Variants in DBF4 observed in about 807,000 individuals in gnomAD.
The protein encoded by DBF4 is DBF4-CDC7 kinase regulatory subunit, also known as protein DBF4 homolog A.
DBF4 carries 25 observed loss-of-function variants against 76.6 expected under a neutral mutation model. The observed-to-expected ratio is 0.33, with a 90% CI of 0.24 to 0.46. DBF4 has a LOEUF of 0.46. Among genes scored for constraint, DBF4 ranks in the 20% least tolerant of loss-of-function variants. The probability of loss-of-function intolerance (pLI) is 1.00; values close to 1 mark genes in which losing one functional copy is unlikely to be tolerated. For synonymous variants in DBF4, 213 were observed against 258.0 expected (o/e 0.83, Z 1.67); for missense variants, 638 against 760.8 (o/e 0.84, Z 1.90).
In DBF4 at chr7:87,887,789, C is replaced by T. The variant is rs552203184; in HGVS notation, c.521-194C>T. On this transcript the variant is annotated intron_variant, in intron 5 of 11. Transcript: ENST00000265728. ...ATCCATGAATTCCCTCTTAAAGGTCCCATCTCTCAGTAAGTACTGTCACAC... is the reference window on the plus strand; with the variant it reads ...ATCCATGAATTCCCTCTTAAAGGTCTCATCTCTCAGTAAGTACTGTCACAC... Among the ~76,000 whole-genome samples the T allele has an allele frequency of 1.6e-4, 24 of 152,098 alleles. 1 individual carries two copies. Among genetic ancestry groups the T allele is most frequent in the African/African-American group, 5.8e-4 (24 of 41,488 alleles).
chr7:87,907,430 G>A lies in DBF4; in HGVS notation c.1292G>A (p.Ser431Asn), dbSNP rs1158760378. The change falls in exon 12 of 12, where the codon AGT (serine) becomes AAT (asparagine). Residue 431 changes from serine to asparagine, a missense_variant. By Grantham distance (46) the Ser-to-Asn change is conservative. Coordinates refer to ENST00000265728, the MANE Select transcript of DBF4 (RefSeq NM_006716.4). ...TTGAGAGGGCTTAATGAGAAAATGA[G>A]TAATAAATGTTCCATGTTAAGTACA... The part of the protein sequence containing the change: ...NELRGLNEKM[S>N]NKCSMLSTAE... The A allele has an allele frequency of 2.5e-6, 4 of 1,613,984 alleles. No individual in the cohort carries two copies. Among genetic ancestry groups the A allele is most frequent in the Non-Finnish European group, 3.4e-6 (4 of 1,179,954 alleles).
chr7:87,903,848 C>G (rs1472483003), intron 10 of DBF4, among the ~76,000 whole-genome samples: 2 of 152,052 alleles, frequency 1.3e-5, no homozygotes, highest in Non-Finnish European at 2.9e-5. Context: ...GCATGTGCCA[C>G]CAGGCCCAGC....
intron 8 of DBF4, among the ~76,000 whole-genome samples, chr7:87,898,865 C>T (rs1473283106): frequency 6.7e-6 from 1 of 150,310 alleles, no homozygotes; most frequent in Non-Finnish European, 1.5e-5. Context: ...TGTAATGCTA[C>T]AGAAATCAGA....
At chr7:87,880,150 C>A (rs969949337) in intron 2 of DBF4, among the ~76,000 whole-genome samples, 2 of 152,100 alleles carry the variant, frequency 1.3e-5, no homozygotes, top group Admixed American at 6.6e-5. Context: ...AAAAAGGGAA[C>A]CCCTTGGGCT....
rs776552711 is a variant in DBF4 at position 87,907,980 on chromosome 7, G to A, written c.1842G>A (p.Pro614=). Residue 614 remains proline (P), a synonymous_variant, in exon 12 of 12, where the codon CCG becomes CCA. Coordinates refer to ENST00000265728, the MANE Select transcript of DBF4 (RefSeq NM_006716.4). ...TQEENRICSS[P]VQSLLDLFQT... is the part of the protein sequence containing the mutation. ...AAGAAAACAGAATTTGTAGTTCACC[G>A]GTACAGTCTTTACTAGACTTGTTTC... is the stretch of plus-strand genomic sequence containing the variant. 12 of 1,612,960 alleles carry A rather than the reference G, an allele frequency of 7.4e-6. No individual in the cohort carries two copies. The East Asian group carries it at 8.9e-5, about 12-fold the overall frequency.
chr7:87,885,242 GT>G (rs1403478811), intron 3 of DBF4, 84 bp downstream of exon 3: 1 of 1,172,920 alleles, frequency 8.5e-7, no homozygotes, highest in Non-Finnish European at 1.2e-6. Context: ...TGGCAGTAGA[GT>G]TTACTTATGT....
At chr7:87,884,692 A>C (rs1425303785) in intron 2 of DBF4, among the ~76,000 whole-genome samples, 1 of 152,262 alleles carries the variant, frequency 6.6e-6, no homozygotes, top group Non-Finnish European at 1.5e-5. Flanking sequence ...AGAAAAATAC[A>C]GTATAAAAAC....
Position 87,907,160 on chromosome 7 carries a change from A to G in DBF4, c.1050-28A>G, listed in dbSNP as rs369103888. 13 of 1,504,436 alleles carry G rather than the reference A, an allele frequency of 8.6e-6. No homozygotes were observed. The African/African-American group carries it at 1.8e-4, about 21-fold the overall frequency. 93.2% of individuals were successfully genotyped at this position (1,504,436 alleles called of 1,614,324 possible). A position where few individuals can be genotyped will look rare whatever the true frequency, so the allele number is the denominator to read the frequency against. ...ATTTGTTTTGATAGCAATTATTTTA[A>G]TATTTTTCTTCTATTTTTCCTACAA... On this transcript the variant is annotated intron_variant, in intron 11 of 11. Coordinates refer to ENST00000265728, the MANE Select transcript of DBF4 (RefSeq NM_006716.4).
intron 11 of DBF4, among the ~76,000 whole-genome samples, chr7:87,906,146 ACT>A (rs1169164259): frequency 1.3e-5 from 2 of 151,414 alleles, no homozygotes; most frequent in African/African-American, 2.4e-5. Context: ...TGACAGAGAG[ACT>A]CTGTCTCAAA....
At chr7:87,878,895 A>G (rs982322022) in intron 2 of DBF4, among the ~76,000 whole-genome samples, 3 of 152,196 alleles carry the variant, frequency 2.0e-5, no homozygotes, top group Admixed American at 2.0e-4. Flanking sequence ...GCGTCTTTGA[A>G]TGTCTAAACT....
chr7:87,885,891 A>T (rs1584356138), intron 3 of DBF4, among the ~76,000 whole-genome samples: 1 of 152,214 alleles, frequency 6.6e-6, no homozygotes, highest in Non-Finnish European at 1.5e-5. Flanking sequence ...AATTGATTTA[A>T]TTGGGTGTGA....
chr7:87,902,923 G>A (rs941318574), intron 10 of DBF4, among the ~76,000 whole-genome samples: 1 of 152,102 alleles, frequency 6.6e-6, no homozygotes, highest in African/African-American at 2.4e-5. Flanking sequence ...GTCATCTAGA[G>A]GAAGCTTCTA....
In DBF4 at chr7:87,900,334, C is replaced by G. The variant is rs149000144; in HGVS notation, c.794C>G (p.Thr265Ser). ...AAGCCATCTAGTATGCAAAAGCAAA[C>G]TCAGGTTAAACTAAGGTTGGTTTGA... is the stretch of plus-strand genomic sequence containing the variant. ...VDKPSSMQKQTQVKLRIQTDG... is the reference protein window; with the variant it reads ...VDKPSSMQKQSQVKLRIQTDG... Residue 265 changes from threonine to serine, a missense_variant, in exon 9 of 12, where the codon ACT becomes AGT. Thr to Ser is a moderately conservative substitution (Grantham distance 58). Transcript: ENST00000265728. 6.1e-4 allele frequency: 965 copies of G among 1,589,722 alleles called. 7 individuals are homozygous for G. In the East Asian group the frequency reaches 0.02, roughly 32 times the overall value.
At chr7:87,897,200 G>A in intron 7 of DBF4, 94 bp from the exon 8 acceptor site, 1 of 1,200,444 alleles carries the variant, frequency 8.3e-7, no homozygotes, top group South Asian at 1.4e-5. Flanking sequence ...ATAGTTTTTT[G>A]TTTGGAGGGT....
intron 11 of DBF4, among the ~76,000 whole-genome samples, chr7:87,905,818 GACTT>G (rs1562767891): frequency 6.6e-6 from 1 of 152,086 alleles, no homozygotes; most frequent in Non-Finnish European, 1.5e-5. Context: ...TTTCATGACT[GACTT>G]AATATGGATT....
chr7:87,878,224 G>A lies in DBF4; in HGVS notation c.218G>A (p.Gly73Glu). ...KLQKDIKDLG[G>E]RVEEFLSKDI... ...CAAAAGGACATTAAGGATCTGGGAG[G>A]GGTAAGTGAAAACCGTACACTGGCA... The change falls in exon 2 of 12, where the codon GGG becomes GAG. Residue 73 changes from glycine to glutamate, a missense_variant and splice_region_variant. Gly to Glu is a moderately conservative substitution (Grantham distance 98). Coordinates refer to ENST00000265728, the MANE Select transcript of DBF4 (RefSeq NM_006716.4). 1 of 1,606,810 alleles carries A rather than the reference G, an allele frequency of 6.2e-7. No individual in the cohort carries two copies.
At position 87,908,937 on chromosome 7, in the gene DBF4, G is replaced by T. The variant is rs1340402142; in HGVS notation, c.*774G>T. On this transcript the variant is annotated 3_prime_UTR_variant, in exon 12 of 12. Coordinates refer to ENST00000265728, the MANE Select transcript of DBF4 (RefSeq NM_006716.4). ...TACTAAAAATACAAAAAATTAGCTG[G>T]GCATGGCGGCATGCGCCTGTAGTCC... 6.6e-6 allele frequency: 1 copy of T among 152,180 alleles called. No homozygotes were observed. The highest frequency in any genetic ancestry group is 2.4e-5 in the African/African-American group (1 of 41,420). The allele number at this position is 152,180 out of a possible 1,614,324, so 9.4% of individuals were successfully genotyped here. A position where few individuals can be genotyped will look rare whatever the true frequency, so the allele number is the denominator to read the frequency against.
At chr7:87,904,742 A>AAAAT (rs1185799342) in intron 11 of DBF4, among the ~76,000 whole-genome samples, 2 of 152,130 alleles carry the variant, frequency 1.3e-5, no homozygotes, top group African/African-American at 4.8e-5. Context: ...CTCCGTCTCA[A>AAAAT]AAATAAATAA....
chr7:87,892,513 T>G (rs1250213271), intron 6 of DBF4, among the ~76,000 whole-genome samples: 1 of 152,262 alleles, frequency 6.6e-6, no homozygotes, highest in African/African-American at 2.4e-5. Flanking sequence ...GCTTCCAAGT[T>G]CTGGCAGTTA....
Sources: gnomAD v4.1 joint callset for allele counts (sites outside exome capture counted in the v4.1 genomes callset) on GRCh38, gnomAD v4.1.1 for gene constraint, MANE v1.5 for transcripts, NCBI Gene and HGNC (gene_info 2026-07-23, HGNC 2026-07-21) for gene names.